HMCN1: variants seen among roughly 807,000 people sequenced by gnomAD.
HMCN1 encodes hemicentin 1, also known as hemicentin-1.
A neutral mutation model predicts 625.9 loss-of-function variants in HMCN1; 321 were observed. That is an observed-to-expected ratio of 0.51 (90% CI 0.47 to 0.56). The LOEUF (loss-of-function observed/expected upper bound fraction) is 0.56, where lower values mean the gene tolerates loss of function less well. Ranked by LOEUF, HMCN1 falls within the 20% of genes least tolerant of loss-of-function variation. The pLI, the probability that HMCN1 is intolerant of heterozygous loss-of-function variation, is 0.00. For synonymous variants in HMCN1, 2,425 were observed against 2,417.6 expected, an observed-to-expected ratio of 1.00 and a Z score of -0.09; for missense variants, 6,588 against 6,887.3, an observed-to-expected ratio of 0.96 and a Z score of 1.54.
In HMCN1 at chr1:186,016,014, G is replaced by T; in HGVS notation, c.4966G>T (p.Ala1656Ser). 6.2e-7 allele frequency: 1 copy of T among 1,613,372 alleles called. No homozygotes were observed. The highest frequency in any genetic ancestry group is 8.5e-7 in the Non-Finnish European group (1 of 1,179,472). ...GCCTTTGAATAAGCAAGTAGTTATT[G>T]CTCATTCTCTGACACTGGAGTGCAA... The part of the protein sequence containing the change: ...ATPLNKQVVI[A>S]HSLTLECKAA... The change falls in exon 32 of 107, where the codon GCT (alanine) becomes TCT (serine). Residue 1656 changes from alanine (A) to serine (S), a missense_variant. Physicochemically the swap from Ala to Ser is moderately conservative, Grantham distance 99 (BLOSUM62 1). Around this residue, in one of 3 missense-constraint regions of HMCN1, gnomAD observed 4,628 missense variants for 4,853.1 expected, o/e 0.95. Coordinates refer to ENST00000271588, the MANE Select transcript of HMCN1 (RefSeq NM_031935.3).
intron 2 of HMCN1, among the ~76,000 whole-genome samples, chr1:185,859,047 GTGTGT>G (rs1422939101): frequency 1.3e-5 from 2 of 148,572 alleles, no homozygotes; most frequent in East Asian, 3.9e-4. Context: ...GTGTGTGTGT[GTGTGT>G]GTGTGTGTGT....
chr1:186,043,352 A>G (rs1656335581), intron 40 of HMCN1, among the ~76,000 whole-genome samples: 1 of 152,084 alleles, frequency 6.6e-6, no homozygotes, highest in South Asian at 2.1e-4. Flanking sequence ...AAAAAAATAC[A>G]TGTTTTGGTA....
At chr1:185,838,186 T>G (rs1373638195) in intron 1 of HMCN1, among the ~76,000 whole-genome samples, 2 of 152,178 alleles carry the variant, frequency 1.3e-5, no homozygotes, top group African/African-American at 4.8e-5. Flanking sequence ...CCCCAGGCTT[T>G]GTGCTCTTGG....
At chr1:185,877,600 G>GGA (rs1194237060) in intron 4 of HMCN1, among the ~76,000 whole-genome samples, 1 of 151,592 alleles carries the variant, frequency 6.6e-6, no homozygotes, top group African/African-American at 2.4e-5. Context: ...CACGAGCACA[G>GGA]GATGATTTTT....
At chr1:186,041,907 A>G (rs1656234482) in intron 40 of HMCN1, among the ~76,000 whole-genome samples, 1 of 152,112 alleles carries the variant, frequency 6.6e-6, no homozygotes, top group Non-Finnish European at 1.5e-5. Flanking sequence ...CTCACTTCCA[A>G]ATAATTTATT....
intron 11 of HMCN1, among the ~76,000 whole-genome samples, chr1:185,959,785 T>C (rs958896603): frequency 7.2e-5 from 11 of 152,030 alleles, no homozygotes; most frequent in Non-Finnish European, 1.2e-4. Context: ...TATTTTTTTT[T>C]CCCCTAACAG....
At chr1:186,109,795 A>G (rs977906742) in intron 71 of HMCN1, among the ~76,000 whole-genome samples, 2 of 152,196 alleles carry the variant, frequency 1.3e-5, no homozygotes, top group African/African-American at 4.8e-5. Flanking sequence ...CTGAAATAGA[A>G]CCTGGTTAAA....
At chr1:186,036,297 A>G (rs746848052) in intron 36 of HMCN1, among the ~76,000 whole-genome samples, 3 of 152,130 alleles carry the variant, frequency 2.0e-5, no homozygotes, top group Non-Finnish European at 4.4e-5. Flanking sequence ...CAATTTAGAA[A>G]AGAAAGAGGT....
In HMCN1 at chr1:186,021,592, A is replaced by T. The variant is rs143804007; in HGVS notation, c.5626-1438A>T. Among the ~76,000 whole-genome samples the T allele has an allele frequency of 1.1e-4, 17 of 152,240 alleles. No homozygotes were observed. In the East Asian group the frequency reaches 3.3e-3, roughly 29 times the overall value. ...GACCATGTAATATAATAGTCCAGAC[A>T]TGAATATAAATGTATGAATGTGTTG... is the stretch of plus-strand genomic sequence containing the variant. On this transcript the variant is annotated intron_variant, in intron 35 of 106. Transcript: ENST00000271588.
chr1:185,913,705 A>G (rs1257650856), intron 6 of HMCN1, among the ~76,000 whole-genome samples: 1 of 152,174 alleles, frequency 6.6e-6, no homozygotes. Flanking sequence ...TTCCTCTAGT[A>G]AAACTCTTGC....
At chr1:186,059,847 G>T (rs1028965809) in intron 46 of HMCN1, among the ~76,000 whole-genome samples, 1 of 151,934 alleles carries the variant, frequency 6.6e-6, no homozygotes, top group Non-Finnish European at 1.5e-5. Flanking sequence ...GTTTTCACTG[G>T]ATTAAGCGAG....
chr1:186,004,697 G>A (rs1258863565), intron 29 of HMCN1, among the ~76,000 whole-genome samples: 1 of 152,126 alleles, frequency 6.6e-6, no homozygotes, highest in Non-Finnish European at 1.5e-5. Flanking sequence ...ATGTAAATTA[G>A]TACCTTAAAA....
chr1:185,853,921 C>A (rs1328637100), intron 2 of HMCN1, among the ~76,000 whole-genome samples: 1 of 152,120 alleles, frequency 6.6e-6, no homozygotes, highest in Non-Finnish European at 1.5e-5. Flanking sequence ...ATTGCAGATT[C>A]CTGTGGCCAA....
chr1:185,895,021 G>C (rs754210689), intron 4 of HMCN1, among the ~76,000 whole-genome samples: 1 of 134,880 alleles, frequency 7.4e-6, no homozygotes. Flanking sequence ...TCTGAGTCAC[G>C]AGTTAGTTAT....
intron 1 of HMCN1, among the ~76,000 whole-genome samples, chr1:185,740,353 T>C (rs1220263466): frequency 1.3e-5 from 2 of 152,098 alleles, no homozygotes; most frequent in African/African-American, 2.4e-5. Flanking sequence ...TTGGTGGCTG[T>C]GGGAGGTGTG....
chr1:185,926,424 G>A (rs1023680769), intron 9 of HMCN1, among the ~76,000 whole-genome samples: 4 of 152,118 alleles, frequency 2.6e-5, no homozygotes, highest in Non-Finnish European at 5.9e-5. Flanking sequence ...AACCAGCAAC[G>A]TAATTGACCG....
chr1:186,188,838 T>A (rs1326683658), intron 106 of HMCN1, among the ~76,000 whole-genome samples: 1 of 152,110 alleles, frequency 6.6e-6, no homozygotes, highest in African/African-American at 2.4e-5. Context: ...TAACAAAACC[T>A]CTAAAAATAC....
rs376939606 is a variant in HMCN1 at position 186,090,916 on chromosome 1, C to A, written c.9886C>A (p.Arg3296=). The part of the protein sequence containing the change: ...PIASGETERI[R]VSANGSTLNI... ...AGCTAGTGGTGAAACAGAAAGAATCCGGTATGTTTAAAAATAATCTTTCCA... is the reference window on the plus strand; with the variant it reads ...AGCTAGTGGTGAAACAGAAAGAATCAGGTATGTTTAAAAATAATCTTTCCA... The change falls in exon 64 of 107, where the codon CGA becomes AGA. Residue 3296 remains arginine, a splice_region_variant and synonymous_variant. Coordinates refer to ENST00000271588, the MANE Select transcript of HMCN1 (RefSeq NM_031935.3). The A allele has an allele frequency of 1.2e-6, 2 of 1,611,214 alleles. No individual in the cohort carries two copies. Among genetic ancestry groups the A allele is most frequent in the Non-Finnish European group, 1.7e-6 (2 of 1,178,004 alleles).
chr1:185,935,583 C>G (rs1018900056), intron 11 of HMCN1, among the ~76,000 whole-genome samples: 1 of 151,486 alleles, frequency 6.6e-6, no homozygotes, highest in African/African-American at 2.4e-5. Flanking sequence ...ATATAATACA[C>G]AAAACATAAA....
Sources: allele counts gnomAD v4.1 joint callset (sites outside exome capture counted in the v4.1 genomes callset), GRCh38; gene constraint gnomAD v4.1.1; regional missense constraint gnomAD v4.1.1; transcripts MANE v1.5; gene names NCBI Gene and HGNC (gene_info 2026-07-23, HGNC 2026-07-21).